The following ST7 variants were observed in gnomAD, a reference collection of about 807,000 sequenced individuals.
ST7 encodes suppression of tumorigenicity 7, also known as suppressor of tumorigenicity 7 protein.
A neutral mutation model predicts 78.7 loss-of-function variants in ST7; 28 were observed. The ratio of observed to expected loss-of-function variants is 0.36; its 90% CI spans 0.26 to 0.49. The LOEUF (loss-of-function observed/expected upper bound fraction) is 0.49, where lower values mean the gene tolerates loss of function less well. ST7 is among the 20% of genes least tolerant of loss of function. The probability of loss-of-function intolerance (pLI) is 0.99; values close to 1 mark genes in which losing one functional copy is unlikely to be tolerated. For synonymous variants in ST7, 247 were observed against 249.6 expected, an observed-to-expected ratio of 0.99 and a Z score of 0.10; for missense variants, 418 against 696.0, an observed-to-expected ratio of 0.60 and a Z score of 4.49.
At chr7:117,091,777 C>T (rs952933557) in intron 1 of ST7, among the ~76,000 whole-genome samples, 1 of 152,176 alleles carries the variant, frequency 6.6e-6, no homozygotes, top group Non-Finnish European at 1.5e-5. Context: ...CACTTCTTAT[C>T]TCTCAGTTTC....
At chr7:116,998,440 C>T (rs979165729) in intron 1 of ST7, among the ~76,000 whole-genome samples, 1 of 152,214 alleles carries the variant, frequency 6.6e-6, no homozygotes, top group Non-Finnish European at 1.5e-5. Flanking sequence ...CTGAGAGGGG[C>T]TCCCACGGTG....
intron 1 of ST7, 85 bp downstream of exon 1, chr7:116,953,776 C>G: frequency 9.7e-7 from 1 of 1,033,844 alleles, no homozygotes. Flanking sequence ...CGCGGCCAGG[C>G]GCGCGCTCGG....
chr7:117,067,261 A>G (rs1798689035), intron 1 of ST7, among the ~76,000 whole-genome samples: 1 of 151,932 alleles, frequency 6.6e-6, no homozygotes, highest in Non-Finnish European at 1.5e-5. Flanking sequence ...TATACCTAGT[A>G]GTAGAATTGC....
intron 9 of ST7, among the ~76,000 whole-genome samples, chr7:117,157,976 C>G (rs1806836775): frequency 1.3e-5 from 2 of 152,174 alleles, no homozygotes; most frequent in Non-Finnish European, 2.9e-5. Context: ...TTCTTTTCCC[C>G]AAGACAGCAT....
chr7:117,061,762 T>C (rs1798368157), intron 1 of ST7, among the ~76,000 whole-genome samples: 1 of 152,206 alleles, frequency 6.6e-6, no homozygotes, highest in Non-Finnish European at 1.5e-5. Context: ...TAGCCATTAC[T>C]GTGCCAGAAA....
chr7:117,198,378 C>T (rs756528142), intron 12 of ST7: 6 of 453,648 alleles, frequency 1.3e-5, no homozygotes, highest in South Asian at 9.4e-5. Flanking sequence ...CTTGGGCCAC[C>T]CTAGCCTGAA....
chr7:117,006,246 A>T (rs1417135159), intron 1 of ST7, among the ~76,000 whole-genome samples: 2 of 152,334 alleles, frequency 1.3e-5, no homozygotes, highest in Admixed American at 1.3e-4. Context: ...TGAATCTGTC[A>T]TCCTCTTACT....
At chr7:117,132,425 T>A (rs1241721125) in intron 6 of ST7, among the ~76,000 whole-genome samples, 2 of 151,838 alleles carry the variant, frequency 1.3e-5, no homozygotes, top group Non-Finnish European at 2.9e-5. Context: ...AATGCTGTCT[T>A]GAGTGTTGTT....
At chr7:117,043,526 C>A (rs977552393) in intron 1 of ST7, among the ~76,000 whole-genome samples, 4 of 152,140 alleles carry the variant, frequency 2.6e-5, no homozygotes, top group African/African-American at 9.7e-5. Context: ...TGACAACTGC[C>A]TCATATTCCC....
At chr7:117,022,238 C>T (rs1795956350) in intron 1 of ST7, among the ~76,000 whole-genome samples, 1 of 152,170 alleles carries the variant, frequency 6.6e-6, no homozygotes, top group African/African-American at 2.4e-5. Context: ...AATAGAATAT[C>T]CTTCAGAAGA....
At chr7:117,186,133 A>G (rs1019440418) in intron 10 of ST7, among the ~76,000 whole-genome samples, 15 of 152,186 alleles carry the variant, frequency 9.9e-5, no homozygotes, top group Non-Finnish European at 2.1e-4. Flanking sequence ...CCTTCTTCAC[A>G]ATATCACATG....
chr7:117,062,371 C>A (rs1343286390), intron 1 of ST7, among the ~76,000 whole-genome samples: 1 of 152,140 alleles, frequency 6.6e-6, no homozygotes, highest in East Asian at 1.9e-4. Context: ...ACTTTTTCAG[C>A]CCCTAAGCAG....
intron 10 of ST7, among the ~76,000 whole-genome samples, chr7:117,181,123 A>G (rs781496089): frequency 6.6e-6 from 1 of 152,212 alleles, no homozygotes; most frequent in Non-Finnish European, 1.5e-5. Flanking sequence ...TGAAATTGCA[A>G]TTAGTCCCAA....
Position 117,189,388 on chromosome 7 carries a change from T to TG in ST7, c.1147dup (p.Asp383GlyfsTer6). ...CTTTGCTCAAAGCAAGAGCTGTCTC[T>TG]GACAAGTAAGTGAATAATAGTTTGC... On this transcript the variant is annotated frameshift_variant, in exon 11 of 16. Transcript: ENST00000323984. LOFTEE classifies it high-confidence loss of function. 6.2e-7 allele frequency: 1 copy of TG among 1,602,770 alleles called. No homozygotes were observed.
intron 1 of ST7, among the ~76,000 whole-genome samples, chr7:116,981,783 G>A (rs1230566556): frequency 6.6e-6 from 1 of 152,152 alleles, no homozygotes; most frequent in Non-Finnish European, 1.5e-5. Context: ...TAAAAGTGTA[G>A]TAAATACATA....
intron 1 of ST7, among the ~76,000 whole-genome samples, chr7:116,987,623 G>C (rs1195445533): frequency 2.0e-5 from 3 of 152,114 alleles, no homozygotes; most frequent in Non-Finnish European, 4.4e-5. Context: ...CTTTTTATTG[G>C]CTTAGATACC....
At chr7:116,972,380 A>C (rs539396754) in intron 1 of ST7, 1 of 656,508 alleles carries the variant, frequency 1.5e-6, no homozygotes, top group South Asian at 1.7e-5. Flanking sequence ...TTTTGAGAGT[A>C]CTTTTCTTCA....
At chr7:116,961,587 TGTGTGTGGTG>T (rs1180611667) in intron 1 of ST7, among the ~76,000 whole-genome samples, 1 of 151,264 alleles carries the variant, frequency 6.6e-6, no homozygotes, top group African/African-American at 2.4e-5. Flanking sequence ...TGTGTGTGTG[TGTGTGTGGTG>T]GGGGGCAATT....
At chr7:117,001,167 C>A (rs1422747578) in intron 1 of ST7, among the ~76,000 whole-genome samples, 1 of 152,104 alleles carries the variant, frequency 6.6e-6, no homozygotes, top group East Asian at 1.9e-4. Flanking sequence ...GCTGTGCTGC[C>A]GATGAAGGGA....
Sources: allele counts gnomAD v4.1 joint callset (sites outside exome capture counted in the v4.1 genomes callset), GRCh38; gene constraint gnomAD v4.1.1; transcripts MANE v1.5; gene names NCBI Gene and HGNC (gene_info 2026-07-23, HGNC 2026-07-21).